NRXN1: variants seen among roughly 807,000 people sequenced by gnomAD.
NRXN1 encodes neurexin 1.
In NRXN1, 39 loss-of-function variants were observed where a neutral mutation model predicts 150.9. The ratio of observed to expected loss-of-function variants is 0.26; its 90% CI spans 0.20 to 0.34. The LOEUF (loss-of-function observed/expected upper bound fraction) is 0.34. NRXN1 is among the 10% of genes least tolerant of loss of function. The pLI is 1.00. For synonymous variants in NRXN1, 924 were observed against 757.0 expected (o/e 1.22, Z -3.62); for missense variants, 1,815 against 1,949.9 (o/e 0.93, Z 1.30).
intron 15 of NRXN1, among the ~76,000 whole-genome samples, chr2:50,473,716 G>A (rs557193402): frequency 3.3e-5 from 5 of 152,112 alleles, no homozygotes; most frequent in South Asian, 4.2e-4. Context: ...TTGTCTTCAC[G>A]AGACTTGGGA....
intron 8 of NRXN1, among the ~76,000 whole-genome samples, chr2:50,571,241 T>C (rs1048766278): frequency 3.9e-5 from 6 of 152,154 alleles, no homozygotes; most frequent in African/African-American, 1.4e-4. Flanking sequence ...ACAACCCTAA[T>C]AGCTGATTGC....
At chr2:50,885,945 T>G in intron 5 of NRXN1, among the ~76,000 whole-genome samples, 1 of 151,112 alleles carries the variant, frequency 6.6e-6, no homozygotes, top group Non-Finnish European at 1.5e-5. Flanking sequence ...TGGGGGAGAA[T>G]AAAATACAAA....
intron 18 of NRXN1, among the ~76,000 whole-genome samples, chr2:50,196,824 GCATGTTCT>G (rs1465295083): frequency 6.6e-6 from 1 of 152,090 alleles, no homozygotes; most frequent in Non-Finnish European, 1.5e-5. Context: ...ACCAAATACT[GCATGTTCT>G]CACTTATTAG....
At chr2:50,624,352 T>C (rs2104308153) in intron 5 of NRXN1, among the ~76,000 whole-genome samples, 1 of 152,240 alleles carries the variant, frequency 6.6e-6, no homozygotes, top group Non-Finnish European at 1.5e-5. Context: ...CTCCAGGGCA[T>C]GAATCAGGTA....
At chr2:50,035,893 C>G (rs578082259) in intron 21 of NRXN1, among the ~76,000 whole-genome samples, 1 of 152,006 alleles carries the variant, frequency 6.6e-6, no homozygotes, top group South Asian at 2.1e-4. Flanking sequence ...TACAGTTCAC[C>G]GATGAATACT....
At chr2:50,613,121 T>C (rs1033755610) in intron 8 of NRXN1, among the ~76,000 whole-genome samples, 1 of 152,220 alleles carries the variant, frequency 6.6e-6, no homozygotes, top group African/African-American at 2.4e-5. Flanking sequence ...AAAGCAAAAC[T>C]ATCATCTTCC....
At chr2:50,491,327 G>A (rs1488914888) in intron 15 of NRXN1, among the ~76,000 whole-genome samples, 1 of 152,204 alleles carries the variant, frequency 6.6e-6, no homozygotes, top group Non-Finnish European at 1.5e-5. Context: ...CAACTGGTCA[G>A]AGATCAAGAA....
chr2:50,673,608 G>C (rs560823492), intron 5 of NRXN1, among the ~76,000 whole-genome samples: 1 of 152,000 alleles, frequency 6.6e-6, no homozygotes, highest in African/African-American at 2.4e-5. Context: ...CAGGGTGGTT[G>C]CTTTATTTTG....
At chr2:50,891,820 C>T (rs749100716) in intron 5 of NRXN1, among the ~76,000 whole-genome samples, 10 of 151,982 alleles carry the variant, frequency 6.6e-5, no homozygotes, top group East Asian at 1.9e-4. Flanking sequence ...ACATGAGTAG[C>T]GGGCAAAGAC....
chr2:50,283,143 G>A (rs144022528), intron 17 of NRXN1, among the ~76,000 whole-genome samples: 83 of 152,286 alleles, frequency 5.5e-4, no homozygotes, highest in Non-Finnish European at 9.3e-4. Flanking sequence ...AATGAATCAA[G>A]TGAATATAAA....
intron 18 of NRXN1, among the ~76,000 whole-genome samples, chr2:50,234,331 C>T (rs563856387): frequency 2.6e-5 from 4 of 151,810 alleles, no homozygotes; most frequent in Admixed American, 6.6e-5. Context: ...CCGTCTCTAC[C>T]GCATATACAA....
In NRXN1 at chr2:50,761,697, G is replaced by A. The variant is rs1444006016; in HGVS notation, c.833-138082C>T. Among the ~76,000 whole-genome samples the A allele has an allele frequency of 3.3e-5, 5 of 151,978 alleles. No individual in the cohort carries two copies. In the South Asian group the frequency reaches 1.0e-3, roughly 32 times the overall value. ...TGTGTCTGTGAGGATGTTGCCAAAA[G>A]AGATTAACATTTGAGTCAGTGGACT... On this transcript the variant is annotated intron_variant, in intron 5 of 22. Transcript: ENST00000401669.
intron 5 of NRXN1, among the ~76,000 whole-genome samples, chr2:50,827,670 T>C (rs1254667991): frequency 2.6e-5 from 4 of 152,198 alleles, no homozygotes; most frequent in South Asian, 2.1e-4. Context: ...CTTGGCAGGG[T>C]CATAGGACAA....
chr2:49,928,728 T>G (rs920623511), intron 22 of NRXN1, among the ~76,000 whole-genome samples: 2 of 152,204 alleles, frequency 1.3e-5, no homozygotes. Context: ...AAGCCATGTT[T>G]AAATACTACA....
Position 50,347,110 on chromosome 2 carries a change from G to C in NRXN1, c.3365-110140C>G. The stretch of plus-strand genomic sequence containing the variant: ...TCTCCCTCCTTCGGACAGTCTTCTC[G>C]GGGTCCTGGAGTCCGCCGTGCCTAG... On this transcript the variant is annotated intron_variant, in intron 17 of 22. Coordinates refer to ENST00000401669, the MANE Select transcript of NRXN1 (RefSeq NM_001330078.2). The surrounding 1 kb of genome is among the most constrained non-coding windows in gnomAD (Gnocchi z 4.9). The C allele has an allele frequency of 4.3e-6, 6 of 1,386,710 alleles. No individual in the cohort carries two copies. The highest frequency in any genetic ancestry group is 5.7e-6 in the Non-Finnish European group (6 of 1,053,438). 85.9% of individuals were successfully genotyped at this position (1,386,710 alleles called of 1,614,324 possible). A position where few individuals can be genotyped will look rare whatever the true frequency, so the allele number is the denominator to read the frequency against.
intron 1 of NRXN1, among the ~76,000 whole-genome samples, 163 bp from the exon 2 acceptor site, chr2:51,029,357 C>T (rs749471908): frequency 2.0e-5 from 3 of 152,192 alleles, no homozygotes; most frequent in Non-Finnish European, 4.4e-5. Flanking sequence ...TAAGTCCTAA[C>T]ATTTTCTAAT....
intron 18 of NRXN1, among the ~76,000 whole-genome samples, chr2:50,159,302 G>C (rs1049957159): frequency 2.0e-5 from 3 of 152,028 alleles, no homozygotes; most frequent in African/African-American, 4.8e-5. Flanking sequence ...GAATTATTTT[G>C]AAGTTTCAAA....
chr2:49,999,870 T>G (rs1683617574), intron 21 of NRXN1, among the ~76,000 whole-genome samples: 3 of 152,228 alleles, frequency 2.0e-5, no homozygotes, highest in Non-Finnish European at 4.4e-5. Context: ...GCATAAAGTA[T>G]ATTTCCTACC....
chr2:50,794,304 T>G (rs1706478650), intron 5 of NRXN1, among the ~76,000 whole-genome samples: 1 of 152,128 alleles, frequency 6.6e-6, no homozygotes, highest in Admixed American at 6.6e-5. Flanking sequence ...CCATTAGTTA[T>G]TTCTCCCTCA....
Sources: gnomAD v4.1 joint callset for allele counts (sites outside exome capture counted in the v4.1 genomes callset) on GRCh38, gnomAD v4.1.1 for gene constraint, Gnocchi (gnomAD v3.1) non-coding constraint, MANE v1.5 for transcripts, NCBI Gene and HGNC (gene_info 2026-07-23, HGNC 2026-07-21) for gene names.